The following PRDM5 variants were observed in gnomAD, a reference collection of about 807,000 sequenced individuals.
PRDM5 encodes PR domain zinc finger protein 5.
A neutral mutation model predicts 81.2 loss-of-function variants in PRDM5; 56 were observed. The observed-to-expected ratio is 0.69, with a 90% confidence interval of 0.56 to 0.86. PRDM5 has a LOEUF of 0.86. Ranked by LOEUF, PRDM5 falls within the 40% of genes least tolerant of loss-of-function variation. PRDM5 has a pLI of 0.00. For missense variants in PRDM5, 697 were observed against 770.1 expected, an observed-to-expected ratio of 0.91 and a Z score of 1.12; for synonymous variants, 267 against 256.4, an observed-to-expected ratio of 1.04 and a Z score of -0.39.
chr4:120,813,818 T>A (rs539189667), intron 7 of PRDM5, among the ~76,000 whole-genome samples: 1 of 152,270 alleles, frequency 6.6e-6, no homozygotes, highest in East Asian at 1.9e-4. Context: ...GTCCTAGCCC[T>A]CATAGCAACT....
intron 1 of PRDM5, among the ~76,000 whole-genome samples, chr4:120,917,407 C>G (rs1724309151): frequency 6.6e-6 from 1 of 152,090 alleles, no homozygotes; most frequent in African/African-American, 2.4e-5. Context: ...GCCAAGTCAA[C>G]CATACCTAGC....
At position 120,698,180 on chromosome 4, in the gene PRDM5, C is replaced by T. The variant is rs139932098; in HGVS notation, c.1729-2905G>A. On this transcript the variant is annotated intron_variant, in intron 15 of 15. Transcript: ENST00000264808. ...CATGTTCACTTAAGCAGCAAGTCCACTCACATCAGACTTCTGCCTTGGACT... is the reference window on the plus strand; with the variant it reads ...CATGTTCACTTAAGCAGCAAGTCCATTCACATCAGACTTCTGCCTTGGACT... Among the ~76,000 whole-genome samples, 25 of 152,248 alleles carry T rather than the reference C, an allele frequency of 1.6e-4. No individual in the cohort carries two copies. The Middle Eastern group carries it at 0.01, about 63-fold the overall frequency.
intron 11 of PRDM5, among the ~76,000 whole-genome samples, chr4:120,784,216 T>A (rs1450773323): frequency 1.3e-5 from 2 of 152,084 alleles, no homozygotes; most frequent in African/African-American, 4.8e-5. Context: ...CCTTTAGTGA[T>A]ATAACTGGAC....
chr4:120,907,435 C>T (rs1765944774), intron 2 of PRDM5, 39 bp downstream of exon 2: 1 of 1,470,122 alleles, frequency 6.8e-7, no homozygotes, highest in Non-Finnish European at 9.5e-7. Context: ...TGGTACAATA[C>T]AAATATATTT....
At chr4:120,688,752 T>G (rs1027645837), downstream of PRDM5, among the ~76,000 whole-genome samples, 1 of 152,146 alleles carries the variant, frequency 6.6e-6, no homozygotes, top group Admixed American at 6.6e-5. Flanking sequence ...TAGTCTTAGC[T>G]CTCTTGTTAA....
intron 8 of PRDM5, among the ~76,000 whole-genome samples, chr4:120,800,058 T>C (rs1751915664): frequency 6.6e-6 from 1 of 152,236 alleles, no homozygotes; most frequent in African/African-American, 2.4e-5. Flanking sequence ...TCTTCTGTTA[T>C]GCACAAATTT....
In PRDM5 at chr4:120,694,802, T is replaced by C. The variant is rs1734334601; in HGVS notation, c.*309A>G. 2.8e-6 allele frequency: 1 copy of C among 350,942 alleles called. No homozygotes were observed. The highest frequency in any genetic ancestry group is 4.1e-5 in the Admixed American group (1 of 24,326). The allele number at this position is 350,942 out of a possible 1,614,324, so 21.7% of individuals were successfully genotyped here. A position where few individuals can be genotyped will look rare whatever the true frequency, so the allele number is the denominator to read the frequency against. ...AAAGGCCTATTAGGGAAGTATATTATAAACTTCATTACAGAGGGATGGCCA... is the reference window on the plus strand; with the variant it reads ...AAAGGCCTATTAGGGAAGTATATTACAAACTTCATTACAGAGGGATGGCCA... On this transcript the variant is annotated 3_prime_UTR_variant, in exon 16 of 16. Transcript: ENST00000264808.
chr4:120,724,670 A>G (rs1739131300), intron 14 of PRDM5, among the ~76,000 whole-genome samples: 1 of 152,222 alleles, frequency 6.6e-6, no homozygotes, highest in South Asian at 2.1e-4. Context: ...TGCAGGAGAA[A>G]GGAATTATGT....
intron 2 of PRDM5, among the ~76,000 whole-genome samples, chr4:120,864,027 G>A (rs1255470758): frequency 6.6e-6 from 1 of 152,188 alleles, no homozygotes; most frequent in Non-Finnish European, 1.5e-5. Context: ...CAATGGCTAA[G>A]ACTAATCAGG....
Position 120,754,657 on chromosome 4 carries a change from T to G in PRDM5, c.1538-19A>C, listed in dbSNP as rs372867152. ...CGCTCACCTACAAATAAAGGAAGCC[T>G]CCATGTCAGAAAAACATGAAGTAGC... On this transcript the variant is annotated intron_variant, in intron 13 of 15. Coordinates refer to ENST00000264808, the MANE Select transcript of PRDM5 (RefSeq NM_018699.4). 2.0e-6 allele frequency: 3 copies of G among 1,523,054 alleles called. No individual in the cohort carries two copies. The African/African-American group carries it at 4.1e-5, about 21-fold the overall frequency. 94.3% of individuals were successfully genotyped at this position (1,523,054 alleles called of 1,614,324 possible).
intron 1 of PRDM5, among the ~76,000 whole-genome samples, chr4:120,922,092 G>C (rs888810936): frequency 1.1e-4 from 16 of 152,214 alleles, no homozygotes; most frequent in African/African-American, 3.6e-4. Flanking sequence ...GAAAAGAGGC[G>C]ACAGCGGAGC....
At chr4:120,828,536 A>G (rs1295362216) in intron 3 of PRDM5, among the ~76,000 whole-genome samples, 1 of 152,146 alleles carries the variant, frequency 6.6e-6, no homozygotes, top group Admixed American at 6.6e-5. Context: ...TTATGCAACT[A>G]TAATTTTAAC....
At chr4:120,727,342 T>C (rs1739576155) in intron 14 of PRDM5, among the ~76,000 whole-genome samples, 1 of 152,116 alleles carries the variant, frequency 6.6e-6, no homozygotes, top group Admixed American at 6.6e-5. Flanking sequence ...AACATATAGA[T>C]ATGATTCATA....
intron 2 of PRDM5, among the ~76,000 whole-genome samples, chr4:120,888,321 A>G (rs1420984020): frequency 6.6e-6 from 1 of 152,190 alleles, no homozygotes; most frequent in Admixed American, 6.5e-5. Context: ...TTATAATTTT[A>G]TAGATTAGCT....
chr4:120,747,519 C>G (rs1471435797), intron 14 of PRDM5, among the ~76,000 whole-genome samples: 1 of 151,952 alleles, frequency 6.6e-6, no homozygotes, highest in Non-Finnish European at 1.5e-5. Flanking sequence ...ACCACCCAAA[C>G]CCTCTAGATA....
intron 1 of PRDM5, among the ~76,000 whole-genome samples, chr4:120,917,768 C>A (rs1386887867): frequency 6.6e-6 from 1 of 150,650 alleles, no homozygotes; most frequent in African/African-American, 2.4e-5. Flanking sequence ...AGTGAGTTTA[C>A]TCTTTTCTTA....
At chr4:120,909,252 G>C (rs919432305) in intron 1 of PRDM5, among the ~76,000 whole-genome samples, 2 of 152,196 alleles carry the variant, frequency 1.3e-5, no homozygotes, top group Non-Finnish European at 2.9e-5. Flanking sequence ...AACCCTGACA[G>C]ACAGCTGCAT....
intron 8 of PRDM5, among the ~76,000 whole-genome samples, chr4:120,807,693 G>C (rs1180731284): frequency 6.6e-6 from 1 of 152,238 alleles, no homozygotes; most frequent in Non-Finnish European, 1.5e-5. Context: ...CTTAAAGGCG[G>C]TGTGTCCGGA....
intron 2 of PRDM5, among the ~76,000 whole-genome samples, chr4:120,881,976 C>G (rs548375254): frequency 6.6e-6 from 1 of 152,306 alleles, no homozygotes; most frequent in South Asian, 2.1e-4. Flanking sequence ...ATCTACAGAT[C>G]CTGTTGAAAT....
Sources: allele counts gnomAD v4.1 joint callset (sites outside exome capture counted in the v4.1 genomes callset), GRCh38; gene constraint gnomAD v4.1.1; transcripts MANE v1.5; gene names NCBI Gene and HGNC (gene_info 2026-07-23, HGNC 2026-07-21).